The following TMEM165 variants were observed in gnomAD, a reference collection of about 807,000 sequenced individuals.
TMEM165 encodes putative divalent cation/proton antiporter TMEM165.
TMEM165 carries 19 observed loss-of-function variants against 30.0 expected under a neutral mutation model. That is an observed-to-expected ratio of 0.63 (90% confidence interval 0.44 to 0.93). The LOEUF is 0.93. Ranked by LOEUF, TMEM165 falls within the 40% of genes least tolerant of loss-of-function variation. The pLI is 0.00. For missense variants in TMEM165, 340 were observed against 417.0 expected (o/e 0.82, Z 1.61); for synonymous variants, 168 against 162.9 (o/e 1.03, Z -0.24).
chr4:55,419,346 A>G (rs1244999942), intron 4 of TMEM165, among the ~76,000 whole-genome samples: 1 of 152,108 alleles, frequency 6.6e-6, no homozygotes, highest in South Asian at 2.1e-4. Flanking sequence ...TCTTAGCCCA[A>G]GAATCCTAAG....
At chr4:55,399,116 A>G (rs1720849970) in intron 1 of TMEM165, 2 of 152,244 alleles carry the variant, frequency 1.3e-5, no homozygotes. Context: ...AGAGAAGATC[A>G]AAAGCACTGG....
chr4:55,448,973 G>T, intron 3 of TMEM165: 1 of 922,268 alleles, frequency 1.1e-6, no homozygotes, highest in South Asian at 1.4e-5. Context: ...CTTACCATTT[G>T]CCTCATACTT....
chr4:55,441,170 C>A (rs1382203938), intron 3 of TMEM165, among the ~76,000 whole-genome samples: 1 of 152,108 alleles, frequency 6.6e-6, no homozygotes, highest in East Asian at 1.9e-4. Context: ...GTTTCTGTCC[C>A]CCTCAAAAGA....
At chr4:55,411,276 A>T (rs1721484387) in intron 1 of TMEM165, among the ~76,000 whole-genome samples, 1 of 152,236 alleles carries the variant, frequency 6.6e-6, no homozygotes, top group Non-Finnish European at 1.5e-5. Flanking sequence ...GTGCTCCAAA[A>T]TCTGAAACTT....
At position 55,417,024 on chromosome 4, in the gene TMEM165, G is replaced by A. The variant is rs769993927; in HGVS notation, c.434-48G>A. On this transcript the variant is annotated intron_variant, in intron 2 of 5. Transcript: ENST00000381334. ...ATTTCCGAAGTTAACTGTTCCCTTG[G>A]TCGTGATACACACTCGATTAACAAA... The A allele has an allele frequency of 2.7e-6, 4 of 1,474,538 alleles. No individual in the cohort carries two copies. In the South Asian group the frequency reaches 4.1e-5, roughly 15 times the overall value. 91.3% of individuals were successfully genotyped at this position (1,474,538 alleles called of 1,614,324 possible).
intron 2 of TMEM165, among the ~76,000 whole-genome samples, chr4:55,412,967 T>TTTTA (rs906081971): frequency 1.4e-4 from 21 of 151,840 alleles, no homozygotes; most frequent in Middle Eastern, 3.2e-3. Flanking sequence ...TAGGGCTATT[T>TTTTA]TTTATTTATT....
chr4:55,415,719 G>A (rs1721693206), intron 2 of TMEM165: 1 of 152,090 alleles, frequency 6.6e-6, no homozygotes, highest in African/African-American at 2.4e-5. Context: ...TTCTAACCAT[G>A]ATTTTAAGAT....
At chr4:55,411,950 T>G in intron 2 of TMEM165, 111 bp downstream of exon 2, 1 of 995,290 alleles carries the variant, frequency 1.0e-6, no homozygotes, top group Non-Finnish European at 1.6e-6. Flanking sequence ...GGCTTACACC[T>G]TATTTGTGGT....
intron 3 of TMEM165, chr4:55,438,572 A>G (rs2109649471): frequency 6.2e-7 from 1 of 1,612,192 alleles, no homozygotes; most frequent in Non-Finnish European, 8.5e-7. Context: ...ATTGGAGTCC[A>G]AAGTACAAGG....
At chr4:55,398,824 C>T (rs1400651916) in intron 1 of TMEM165, 3 of 149,124 alleles carry the variant, frequency 2.0e-5, no homozygotes, top group Non-Finnish European at 4.4e-5. Context: ...TTTATATCAG[C>T]TGTTAAATAC....
chr4:55,422,656 A>T lies in TMEM165; in HGVS notation c.793-1882A>T, dbSNP rs141344842. On this transcript the variant is annotated intron_variant, in intron 4 of 5. Coordinates refer to ENST00000381334, the MANE Select transcript of TMEM165 (RefSeq NM_018475.5). ...CTTGGGTGTCATGCTTTATTTATTT[A>T]TTTTTTTTTTGAGATGGAGTCTCAC... 6.7e-3 allele frequency among the ~76,000 whole-genome samples: 995 copies of T among 147,722 alleles called. 17 individuals carry two copies. Among genetic ancestry groups the T allele is most frequent in the African/African-American group, 0.023 (910 of 40,354 alleles).
At chr4:55,438,838 G>A (rs1216431828) in intron 3 of TMEM165, among the ~76,000 whole-genome samples, 3 of 152,116 alleles carry the variant, frequency 2.0e-5, no homozygotes, top group Admixed American at 6.5e-5. Context: ...AACTTGAAAT[G>A]GACCAAAGAC....
At chr4:55,441,318 C>T (rs1412218337) in intron 3 of TMEM165, among the ~76,000 whole-genome samples, 6 of 152,134 alleles carry the variant, frequency 3.9e-5, no homozygotes, top group African/African-American at 7.2e-5. Context: ...CTGGTGGGAA[C>T]GTGAGATTTC....
At chr4:55,440,153 G>A (rs1314636470) in intron 3 of TMEM165, among the ~76,000 whole-genome samples, 1 of 152,064 alleles carries the variant, frequency 6.6e-6, no homozygotes, top group East Asian at 1.9e-4. Context: ...CTATTATAAT[G>A]TATTTTTTAA....
intron 1 of TMEM165, 95 bp downstream of exon 1, chr4:55,396,491 C>T (rs1324080185): frequency 2.6e-5 from 29 of 1,130,294 alleles, no homozygotes; most frequent in Non-Finnish European, 3.2e-5. Context: ...CCGCCGGCCT[C>T]GGCTGGGGGA....
In TMEM165 at chr4:55,425,642, T is replaced by C. The variant is rs373888070; in HGVS notation, c.*190T>C. The C allele has an allele frequency of 1.6e-5, 8 of 513,738 alleles. No individual in the cohort carries two copies. Among genetic ancestry groups the C allele is most frequent in the Admixed American group, 3.7e-5 (1 of 26,758 alleles). The allele number at this position is 513,738 out of a possible 1,614,324, so 31.8% of individuals were successfully genotyped here. A position where few individuals can be genotyped will look rare whatever the true frequency, so the allele number is the denominator to read the frequency against. On this transcript the variant is annotated 3_prime_UTR_variant, in exon 6 of 6. Coordinates refer to ENST00000381334, the MANE Select transcript of TMEM165 (RefSeq NM_018475.5). ...GTAACAAGGAGTTTTAAAAGAAACC[T>C]GACTTCTAAGTGTGGGTTTTTCTTC...
At chr4:55,403,492 C>CTTTTTTTTTTTT (rs71664292) in intron 1 of TMEM165, among the ~76,000 whole-genome samples, 12 of 124,458 alleles carry the variant, frequency 9.6e-5, no homozygotes, top group East Asian at 2.4e-4. Context: ...GTGCCTTTTT[C>CTTTTTTTTTTTT]TTTTTCTTTT....
At chr4:55,412,350 C>T (rs189786939) in intron 2 of TMEM165, among the ~76,000 whole-genome samples, 151 of 125,978 alleles carry the variant, frequency 1.2e-3, no homozygotes, top group Non-Finnish European at 2.0e-3. Flanking sequence ...GCTGAGATCG[C>T]GCCACTACAC....
chr4:55,396,915 T>TA (rs1720750961), intron 1 of TMEM165, among the ~76,000 whole-genome samples: 1 of 152,180 alleles, frequency 6.6e-6, no homozygotes, highest in African/African-American at 2.4e-5. Flanking sequence ...TAGCAGGAAG[T>TA]AGCCTTTAGG....
Sources: allele counts gnomAD v4.1 joint callset (sites outside exome capture counted in the v4.1 genomes callset), GRCh38; gene constraint gnomAD v4.1.1; transcripts MANE v1.5; gene names NCBI Gene and HGNC (gene_info 2026-07-23, HGNC 2026-07-21).